ZHX2: variants seen among roughly 807,000 people sequenced by gnomAD.
ZHX2 encodes the protein zinc fingers and homeoboxes 2.
ZHX2 carries 6 observed loss-of-function variants against 21.9 expected under a neutral mutation model. The ratio of observed to expected loss-of-function variants is 0.27; its 90% confidence interval spans 0.15 to 0.54. The LOEUF (loss-of-function observed/expected upper bound fraction) is 0.54. ZHX2 is among the 20% of genes least tolerant of loss of function. The pLI is 0.95. For missense variants in ZHX2, 908 were observed against 1,090.7 expected (o/e 0.83, Z 2.36); for synonymous variants, 434 against 437.1 (o/e 0.99, Z 0.09).
chr8:122,911,467 G>T (rs1820479532), intron 2 of ZHX2, among the ~76,000 whole-genome samples: 1 of 152,170 alleles, frequency 6.6e-6, no homozygotes, highest in Non-Finnish European at 1.5e-5. Flanking sequence ...CGGGGCAGGA[G>T]GGGAGACTGC....
At chr8:122,969,786 C>T (rs947788996) in intron 3 of ZHX2, among the ~76,000 whole-genome samples, 4 of 152,082 alleles carry the variant, frequency 2.6e-5, no homozygotes, top group African/African-American at 9.7e-5. Flanking sequence ...TTTCCTTTCT[C>T]CTGGAGTGCA....
At position 122,964,244 on chromosome 8, in the gene ZHX2, A is replaced by C. The variant is rs912787486; in HGVS notation, c.*5-8998A>C. On this transcript the variant is annotated intron_variant, in intron 3 of 3. Coordinates refer to ENST00000314393, the MANE Select transcript of ZHX2 (RefSeq NM_014943.5). The stretch of plus-strand genomic sequence containing the variant: ...TCCGGTTTTCAGGGGAACTACTTTC[A>C]ACTTTTCCCCATTTAATGTAATGTT... Among the ~76,000 whole-genome samples, 4 of 152,158 alleles carry C rather than the reference A, an allele frequency of 2.6e-5. No individual in the cohort carries two copies. The East Asian group carries it at 5.8e-4, about 22-fold the overall frequency.
intron 2 of ZHX2, among the ~76,000 whole-genome samples, chr8:122,915,320 A>G (rs1044949321): frequency 5.3e-5 from 8 of 152,128 alleles, no homozygotes; most frequent in African/African-American, 1.7e-4. Context: ...CTGTCATGCT[A>G]TAAGAGTGGA....
At chr8:122,900,431 T>C (rs1820201448) in intron 2 of ZHX2, among the ~76,000 whole-genome samples, 1 of 152,130 alleles carries the variant, frequency 6.6e-6, no homozygotes, top group Non-Finnish European at 1.5e-5. Context: ...AGGACATTAA[T>C]CTATTTATGA....
intron 2 of ZHX2, among the ~76,000 whole-genome samples, chr8:122,934,201 C>A (rs758250508): frequency 6.6e-6 from 1 of 152,206 alleles, no homozygotes; most frequent in Non-Finnish European, 1.5e-5. Flanking sequence ...ATCTAGAAGC[C>A]ATGTATCTTG....
rs567268652 is a variant in ZHX2, at chr8:122,823,442, A to G, written c.-282-40035A>G. On this transcript the variant is annotated intron_variant, in intron 1 of 3. Transcript: ENST00000314393. ...CAGGGCAGCTGGGGAGAGTATGTGC[A>G]GTGCTTTTCCAACCCTGAAGTCGAA... Among the ~76,000 whole-genome samples the G allele has an allele frequency of 2.6e-5, 4 of 152,362 alleles. No homozygotes were observed. In the South Asian group the frequency reaches 8.3e-4, roughly 32 times the overall value.
chr8:122,902,255 A>T (rs571876761), intron 2 of ZHX2, among the ~76,000 whole-genome samples: 2 of 152,220 alleles, frequency 1.3e-5, no homozygotes, highest in African/African-American at 4.8e-5. Flanking sequence ...TACAAAAATG[A>T]GTAAGATTGA....
rs58593114 is a variant in ZHX2, at chr8:122,920,824, G to A, written c.-219-30468G>A. On this transcript the variant is annotated intron_variant, in intron 2 of 3. Transcript: ENST00000314393. Reference sequence around the variant, plus strand: ...GATGTGATGAGCACAAGTCACCCACGAGAGGAGGTGCTGGCTCTTCTGCTT... The same window carrying A: ...GATGTGATGAGCACAAGTCACCCACAAGAGGAGGTGCTGGCTCTTCTGCTT... Among the ~76,000 whole-genome samples, 334 of 152,324 alleles carry A rather than the reference G, an allele frequency of 2.2e-3. 1 individual carries two copies. Among genetic ancestry groups the A allele is most frequent in the African/African-American group, 6.8e-3 (284 of 41,582 alleles).
chr8:122,868,657 C>A (rs9694894), intron 2 of ZHX2, among the ~76,000 whole-genome samples: 4 of 147,730 alleles, frequency 2.7e-5, no homozygotes, highest in Non-Finnish European at 5.9e-5. Context: ...GCCGAGATCG[C>A]GCCACTGCAC....
At chr8:122,895,490 C>G (rs980896468) in intron 2 of ZHX2, among the ~76,000 whole-genome samples, 1 of 152,174 alleles carries the variant, frequency 6.6e-6, no homozygotes, top group African/African-American at 2.4e-5. Context: ...TCTATAAGCC[C>G]TTTTAAAATT....
At chr8:122,812,850 T>A (rs529954496) in intron 1 of ZHX2, among the ~76,000 whole-genome samples, 1 of 152,304 alleles carries the variant, frequency 6.6e-6, no homozygotes, top group East Asian at 1.9e-4. Flanking sequence ...CCTGGCCCTG[T>A]TGTAAGCTGG....
At chr8:122,956,441 C>A (rs994832305) in intron 3 of ZHX2, among the ~76,000 whole-genome samples, 5 of 152,128 alleles carry the variant, frequency 3.3e-5, no homozygotes, top group African/African-American at 1.2e-4. Flanking sequence ...TGGGTCAGGG[C>A]TCAGAGGAGG....
intron 2 of ZHX2, among the ~76,000 whole-genome samples, chr8:122,876,743 T>C (rs1345282891): frequency 6.6e-6 from 1 of 152,218 alleles, no homozygotes; most frequent in Non-Finnish European, 1.5e-5. Context: ...GAAAGCCTTG[T>C]TTGCTTCCCG....
chr8:122,972,671 A>G (rs1426011734), intron 3 of ZHX2, among the ~76,000 whole-genome samples: 2 of 152,238 alleles, frequency 1.3e-5, no homozygotes, highest in African/African-American at 4.8e-5. Flanking sequence ...AGAAGTATCT[A>G]CAATACTTAC....
chr8:122,899,986 A>G (rs774435061), intron 2 of ZHX2, among the ~76,000 whole-genome samples: 2 of 152,234 alleles, frequency 1.3e-5, no homozygotes, highest in Admixed American at 6.5e-5. Context: ...GTAAATGGAA[A>G]GATGAACTGC....
At chr8:122,968,922 G>T (rs1266662285) in intron 3 of ZHX2, among the ~76,000 whole-genome samples, 2 of 152,168 alleles carry the variant, frequency 1.3e-5, no homozygotes, top group Middle Eastern at 6.8e-3. Flanking sequence ...ATTTTGGGAG[G>T]CAAAGCCAGG....
chr8:122,969,662 A>G (rs1453100756), intron 3 of ZHX2, among the ~76,000 whole-genome samples: 1 of 152,162 alleles, frequency 6.6e-6, no homozygotes, highest in Non-Finnish European at 1.5e-5. Flanking sequence ...CCAGATGACA[A>G]TGGAACAAAA....
In ZHX2 at chr8:122,922,624, TCTC is replaced by T. The variant is rs569856850; in HGVS notation, c.-219-28663_-219-28661del. 3.3e-5 allele frequency among the ~76,000 whole-genome samples: 5 copies of T among 152,314 alleles called. No homozygotes were observed. In the South Asian group the frequency reaches 8.3e-4, roughly 25 times the overall value. Reference sequence around the variant, plus strand: ...GTTTTAGGACCTTCCTCCTGTTCCTTCTCCTCCATTTCCTGTGTCAGATCACCC... The same window carrying T: ...GTTTTAGGACCTTCCTCCTGTTCCTTCTCCATTTCCTGTGTCAGATCACCC... On this transcript the variant is annotated intron_variant, in intron 2 of 3. Coordinates refer to ENST00000314393, the MANE Select transcript of ZHX2 (RefSeq NM_014943.5).
At chr8:122,808,012 G>C (rs1344831870) in intron 1 of ZHX2, among the ~76,000 whole-genome samples, 3 of 152,204 alleles carry the variant, frequency 2.0e-5, no homozygotes, top group East Asian at 1.9e-4. Context: ...TATTGGGAGA[G>C]TTCAAATGGC....
Sources: gnomAD v4.1 joint callset for allele counts (sites outside exome capture counted in the v4.1 genomes callset) on GRCh38, gnomAD v4.1.1 for gene constraint, MANE v1.5 for transcripts, NCBI Gene and HGNC (gene_info 2026-07-23, HGNC 2026-07-21) for gene names.